Variants in DLGAP2 observed in about 807,000 individuals in gnomAD.
DLGAP2 encodes disks large-associated protein 2.
In DLGAP2, 26 loss-of-function variants were observed where a neutral mutation model predicts 100.3. The ratio of observed to expected loss-of-function variants is 0.26; its 90% CI spans 0.19 to 0.36. The LOEUF is 0.36. Among genes scored for constraint, DLGAP2 ranks in the 10% least tolerant of loss-of-function variants. DLGAP2 has a pLI of 1.00. For missense variants in DLGAP2, 1,858 were observed against 1,453.2 expected (o/e 1.28, Z -4.53); for synonymous variants, 886 against 630.1 (o/e 1.41, Z -6.08).
chr8:1,554,236 C>A (rs559691228), intron 5 of DLGAP2, among the ~76,000 whole-genome samples: 41 of 152,192 alleles, frequency 2.7e-4, no homozygotes, highest in African/African-American at 9.4e-4. Flanking sequence ...TGCAGTGAGC[C>A]AAGATCACGC....
chr8:1,193,665 C>G (rs767090115), intron 2 of DLGAP2, among the ~76,000 whole-genome samples: 1 of 152,150 alleles, frequency 6.6e-6, no homozygotes, highest in Non-Finnish European at 1.5e-5. Context: ...TTTCTGTGAA[C>G]GATCCCATTG....
intron 1 of DLGAP2, among the ~76,000 whole-genome samples, chr8:861,169 C>T (rs1797382715): frequency 6.8e-6 from 1 of 147,842 alleles, no homozygotes; most frequent in African/African-American, 2.5e-5. Flanking sequence ...TGAACATGCA[C>T]AGACTTCTTT....
rs528925178 is a variant in DLGAP2 at position 1,460,100 on chromosome 8, G to A, written c.107-41266G>A. On this transcript the variant is annotated intron_variant, in intron 3 of 14. Coordinates refer to ENST00000637795, the MANE Select transcript of DLGAP2 (RefSeq NM_001346810.2). The stretch of plus-strand genomic sequence containing the variant: ...CACGTGCAGCGTGAGCAGGAAGGAC[G>A]CTGGCATGTGGCCGGACTCGGTTCT... Among the ~76,000 whole-genome samples, 8 of 152,332 alleles carry A rather than the reference G, an allele frequency of 5.3e-5. No homozygotes were observed. The South Asian group carries it at 1.5e-3, about 28-fold the overall frequency.
intron 3 of DLGAP2, among the ~76,000 whole-genome samples, chr8:1,450,479 G>A (rs1298819030): frequency 1.3e-5 from 2 of 150,064 alleles, no homozygotes; most frequent in African/African-American, 5.0e-5. Flanking sequence ...AGCTGTGAGG[G>A]TGAAGATGAG....
intron 3 of DLGAP2, among the ~76,000 whole-genome samples, chr8:1,421,983 A>G (rs1332884494): frequency 3.3e-5 from 5 of 151,862 alleles, no homozygotes; most frequent in South Asian, 2.1e-4. Flanking sequence ...AGAAAAAAGA[A>G]AAAAGAGAAA....
intron 6 of DLGAP2, among the ~76,000 whole-genome samples, chr8:1,570,224 C>A: frequency 6.6e-6 from 1 of 152,236 alleles, no homozygotes; most frequent in East Asian, 1.9e-4. Context: ...GTGCCGTCTT[C>A]ATTCTGCTGG....
intron 2 of DLGAP2, among the ~76,000 whole-genome samples, chr8:1,178,643 C>T (rs938437308): frequency 2.0e-5 from 3 of 152,192 alleles, no homozygotes; most frequent in Non-Finnish European, 4.4e-5. Context: ...AGTATAAATG[C>T]AGCTCAGCTC....
At chr8:985,829 G>A (rs1800470046) in intron 2 of DLGAP2, among the ~76,000 whole-genome samples, 1 of 152,184 alleles carries the variant, frequency 6.6e-6, no homozygotes, top group Admixed American at 6.5e-5. Flanking sequence ...TAGCAGCAAG[G>A]ACCACAGGCA....
At chr8:1,256,460 C>CGTGTCCTCTCCTGCCTGGGTGCTGTGTGT (rs1187186510) in intron 2 of DLGAP2, among the ~76,000 whole-genome samples, 2 of 92,122 alleles carry the variant, frequency 2.2e-5, no homozygotes, top group African/African-American at 1.1e-4. Flanking sequence ...AGGTGCTGTG[C>CGTGTCCTCTCCTGCCTGGGTGCTGTGTGT]GTGTCCTCTC....
At chr8:1,005,415 T>G (rs12681999) in intron 2 of DLGAP2, among the ~76,000 whole-genome samples, 3 of 87,192 alleles carry the variant, frequency 3.4e-5, no homozygotes, top group Non-Finnish European at 7.3e-5. Flanking sequence ...GTTTTTTTTT[T>G]TTTTTTTTTT....
At chr8:803,278 C>A (rs1046696748) in intron 1 of DLGAP2, among the ~76,000 whole-genome samples, 4 of 152,178 alleles carry the variant, frequency 2.6e-5, no homozygotes, top group African/African-American at 9.7e-5. Flanking sequence ...AGCTCACGCC[C>A]CATTTTATCT....
At chr8:1,470,715 C>T (rs1798755792) in intron 3 of DLGAP2, among the ~76,000 whole-genome samples, 1 of 147,734 alleles carries the variant, frequency 6.8e-6, no homozygotes, top group Non-Finnish European at 1.5e-5. Flanking sequence ...ATGATGAAGG[C>T]ATCACCGACC....
chr8:1,439,928 G>T (rs143855429), intron 3 of DLGAP2, among the ~76,000 whole-genome samples: 1 of 152,146 alleles, frequency 6.6e-6, no homozygotes, highest in East Asian at 1.9e-4. Context: ...ACAGTGAACG[G>T]AGTTTTTATT....
chr8:1,570,159 A>G (rs1413778903), intron 6 of DLGAP2, among the ~76,000 whole-genome samples: 1 of 152,250 alleles, frequency 6.6e-6, no homozygotes, highest in Non-Finnish European at 1.5e-5. Flanking sequence ...AGCACATCAT[A>G]GGGACCTCAG....
chr8:1,365,116 G>A (rs978962080), intron 3 of DLGAP2, among the ~76,000 whole-genome samples: 4 of 152,160 alleles, frequency 2.6e-5, no homozygotes, highest in Non-Finnish European at 4.4e-5. Flanking sequence ...TCTACGAAGC[G>A]GGAGGTCAGG....
intron 2 of DLGAP2, among the ~76,000 whole-genome samples, chr8:1,197,519 C>T (rs367959436): frequency 6.6e-6 from 1 of 152,208 alleles, no homozygotes. Context: ...GCAGCTGGGC[C>T]ACCAGCTGTC....
intron 8 of DLGAP2, among the ~76,000 whole-genome samples, chr8:1,647,016 C>A (rs182358562): frequency 6.6e-4 from 101 of 152,324 alleles, no homozygotes; most frequent in Admixed American, 1.5e-3. Context: ...TCAGCAGACA[C>A]AGGGCTCAGG....
intron 2 of DLGAP2, among the ~76,000 whole-genome samples, chr8:1,219,830 C>G (rs1798282728): frequency 1.3e-5 from 2 of 151,996 alleles, no homozygotes; most frequent in South Asian, 4.2e-4. Flanking sequence ...CTTCCTGGTT[C>G]AATCTTGGGA....
intron 3 of DLGAP2, among the ~76,000 whole-genome samples, chr8:1,414,737 G>A (rs906006694): frequency 2.6e-5 from 4 of 152,206 alleles, no homozygotes; most frequent in Admixed American, 6.5e-5. Context: ...GGCTGGGCAC[G>A]GTGGTGCATG....
Sources: gnomAD v4.1 joint callset for allele counts (sites outside exome capture counted in the v4.1 genomes callset) on GRCh38, gnomAD v4.1.1 for gene constraint, MANE v1.5 for transcripts, NCBI Gene and HGNC (gene_info 2026-07-23, HGNC 2026-07-21) for gene names.